RAB11FIP3: variants seen among roughly 807,000 people sequenced by gnomAD.
RAB11FIP3 encodes rab11 family-interacting protein 3.
In RAB11FIP3, 17 loss-of-function variants were observed where a neutral mutation model predicts 77.8. The observed-to-expected ratio is 0.22, with a 90% CI of 0.15 to 0.33. The LOEUF is 0.33. Ranked by LOEUF, RAB11FIP3 falls within the 10% of genes least tolerant of loss-of-function variation. The pLI, the probability that RAB11FIP3 is intolerant of heterozygous loss-of-function variation, is 1.00. For missense variants in RAB11FIP3, 1,005 were observed against 1,011.2 expected, an observed-to-expected ratio of 0.99 and a Z score of 0.08; for synonymous variants, 437 against 448.2, an observed-to-expected ratio of 0.98 and a Z score of 0.31.
rs762229531 is a variant in RAB11FIP3 at position 426,712 on chromosome 16, G to A, written c.706G>A (p.Ala236Thr). The change falls in exon 1 of 14, where the codon GCA becomes ACA. Residue 236 changes from alanine (A) to threonine (T), a missense_variant. Physicochemically the swap from Ala to Thr is moderately conservative, Grantham distance 58. Transcript: ENST00000262305. This position sits in a 1 kb window ranked among gnomAD's most constrained non-coding sequence, Gnocchi z 5.0. ...CATCCAGTTTGCTACGGTCTACGGG[G>A]CAGAGCAGGTACGGAGCGGCCCGGG... is the stretch of plus-strand genomic sequence containing the variant. ...DFIQFATVYGAEQVKDLTKYL... is the reference protein window; with the variant it reads ...DFIQFATVYGTEQVKDLTKYL... 16 of 1,508,688 alleles carry A rather than the reference G, an allele frequency of 1.1e-5. 1 individual carries two copies. Among genetic ancestry groups the A allele is most frequent in the South Asian group, 1.3e-5 (1 of 75,890 alleles). The allele number at this position is 1,508,688 out of a possible 1,614,324, so 93.5% of individuals were successfully genotyped here. A position where few individuals can be genotyped will look rare whatever the true frequency, so the allele number is the denominator to read the frequency against.
chr16:426,088 G>T lies in RAB11FIP3; in HGVS notation c.82G>T (p.Gly28Trp). 7.0e-6 allele frequency: 7 copies of T among 1,004,056 alleles called. No individual in the cohort carries two copies. The highest frequency in any genetic ancestry group is 8.3e-6 in the Non-Finnish European group (7 of 843,846). 62.2% of individuals were successfully genotyped at this position (1,004,056 alleles called of 1,614,324 possible). A position where few individuals can be genotyped will look rare whatever the true frequency, so the allele number is the denominator to read the frequency against. The change falls in exon 1 of 14, where the codon GGG becomes TGG. Residue 28 changes from glycine to tryptophan, a missense_variant. Coordinates refer to ENST00000262305, the MANE Select transcript of RAB11FIP3 (RefSeq NM_014700.4). The surrounding 1 kb of genome is among the most constrained non-coding windows in gnomAD (Gnocchi z 5.0). Reference sequence around the variant, plus strand: ...GGAGCCGGGCGGGCCGGACGGGCCGGGGGCGGCACAACTGGCTCCGGGCCC... The same window carrying T: ...GGAGCCGGGCGGGCCGGACGGGCCGTGGGCGGCACAACTGGCTCCGGGCCC... ...DPEPGGPDGP[G>W]AAQLAPGPAE...
chr16:492,539 C>CCGGGAGACCCG (rs2030653420), intron 5 of RAB11FIP3, among the ~76,000 whole-genome samples: 2 of 151,864 alleles, frequency 1.3e-5, no homozygotes, highest in African/African-American at 2.4e-5. Context: ...CGAGGCCGTC[C>CCGGGAGACCCG]AGAATCTTGG....
chr16:435,663 T>C (rs949097953), intron 1 of RAB11FIP3, among the ~76,000 whole-genome samples: 21 of 152,350 alleles, frequency 1.4e-4, no homozygotes, highest in African/African-American at 4.6e-4. Flanking sequence ...ATATTTCCTG[T>C]TGTGTTACTG....
In RAB11FIP3 at chr16:457,139, G is replaced by A. The variant is rs182282827; in HGVS notation, c.715-4265G>A. Among the ~76,000 whole-genome samples the A allele has an allele frequency of 3.6e-3, 547 of 152,270 alleles. 5 individuals are homozygous for A. Among genetic ancestry groups the A allele is most frequent in the African/African-American group, 0.013 (522 of 41,560 alleles). ...ACAAGATGCAGAAAGGCGGTTTCTCGTTCTGAAAGGTGCTTTGCTGTGAAG... is the reference window on the plus strand; with the variant it reads ...ACAAGATGCAGAAAGGCGGTTTCTCATTCTGAAAGGTGCTTTGCTGTGAAG... On this transcript the variant is annotated intron_variant, in intron 1 of 13. Coordinates refer to ENST00000262305, the MANE Select transcript of RAB11FIP3 (RefSeq NM_014700.4).
intron 9 of RAB11FIP3, 98 bp from the exon 10 acceptor site, chr16:518,845 A>G: frequency 7.9e-7 from 1 of 1,262,352 alleles, no homozygotes; most frequent in Non-Finnish European, 1.1e-6. Flanking sequence ...TGTTGGTCAC[A>G]GGGCGGCCCC....
intron 1 of RAB11FIP3, among the ~76,000 whole-genome samples, chr16:431,604 A>G (rs1282047629): frequency 6.6e-6 from 1 of 152,014 alleles, no homozygotes; most frequent in Non-Finnish European, 1.5e-5. Flanking sequence ...CGAACACCAG[A>G]CCTCAAGTGA....
intron 2 of RAB11FIP3, among the ~76,000 whole-genome samples, chr16:469,951 A>G (rs543495054): frequency 6.6e-6 from 1 of 152,222 alleles, no homozygotes; most frequent in South Asian, 2.1e-4. Context: ...CTAAGACTAC[A>G]GGTGTGTCCC....
chr16:519,690 G>A, intron 10 of RAB11FIP3, 64 bp from the exon 11 acceptor site: 13 of 1,570,112 alleles, frequency 8.3e-6, no homozygotes, highest in Middle Eastern at 2.0e-4. Context: ...ACAGACGGCC[G>A]GGGCAAGCTG....
Position 522,245 on chromosome 16 carries a change from A to T in RAB11FIP3, c.*1406A>T, listed in dbSNP as rs984587522. On this transcript the variant is annotated 3_prime_UTR_variant, in exon 14 of 14. Transcript: ENST00000262305. ...AAGAGAAAACTGTGTATACACATGA[A>T]ATATATATATATATATATATATATA... The T allele has an allele frequency of 7.4e-6, 1 of 134,688 alleles. No homozygotes were observed. Among genetic ancestry groups the T allele is most frequent in the Non-Finnish European group, 1.6e-5 (1 of 62,622 alleles). The allele number at this position is 134,688 out of a possible 1,614,324, so 8.3% of individuals were successfully genotyped here. A position where few individuals can be genotyped will look rare whatever the true frequency, so the allele number is the denominator to read the frequency against.
intron 1 of RAB11FIP3, among the ~76,000 whole-genome samples, chr16:438,768 C>T (rs1172431115): frequency 6.6e-6 from 1 of 151,594 alleles, no homozygotes; most frequent in Non-Finnish European, 1.5e-5. Context: ...CAGCTCACTG[C>T]AACCTCCGCC....
intron 9 of RAB11FIP3, 124 bp from the exon 10 acceptor site, chr16:518,819 G>A: frequency 1.1e-6 from 1 of 873,100 alleles, no homozygotes; most frequent in Non-Finnish European, 1.9e-6. Flanking sequence ...ATTGGCCCTG[G>A]TCGTTTGGGG....
chr16:475,053 C>T, intron 3 of RAB11FIP3: 4 of 1,551,664 alleles, frequency 2.6e-6, no homozygotes, highest in South Asian at 1.2e-5. Flanking sequence ...AAGGTGTGTA[C>T]AGAGCCAGGC....
Position 520,794 on chromosome 16 carries a change from C to G in RAB11FIP3, c.2226C>G (p.Ile742Met). The change falls in exon 14 of 14, where the codon ATC (isoleucine) becomes ATG (methionine). Residue 742 changes from isoleucine to methionine, a missense_variant. Ile to Met is a conservative substitution (Grantham distance 10). Around this residue, in one of 4 missense-constraint regions of RAB11FIP3, gnomAD observed 90 missense variants for 129.7 expected, o/e 0.69. Coordinates refer to ENST00000262305, the MANE Select transcript of RAB11FIP3 (RefSeq NM_014700.4). The stretch of plus-strand genomic sequence containing the variant: ...TGCAGGACTACATCGACAGGATCAT[C>G]GTGGCCATCATGGAGACCAACCCGT... ...FRLQDYIDRIIVAIMETNPSI... is the reference protein window; with the variant it reads ...FRLQDYIDRIMVAIMETNPSI... The G allele has an allele frequency of 6.2e-7, 1 of 1,613,806 alleles. No individual in the cohort carries two copies. Among genetic ancestry groups the G allele is most frequent in the Non-Finnish European group, 8.5e-7 (1 of 1,180,030 alleles).
chr16:516,360 C>T (rs926922259), intron 9 of RAB11FIP3, among the ~76,000 whole-genome samples: 4 of 152,134 alleles, frequency 2.6e-5, no homozygotes, highest in African/African-American at 9.7e-5. Context: ...CTGGGACAGG[C>T]TAAGCCTGCA....
At chr16:487,774 C>G (rs2056187392) in intron 4 of RAB11FIP3, among the ~76,000 whole-genome samples, 1 of 152,178 alleles carries the variant, frequency 6.6e-6, no homozygotes, top group African/African-American at 2.4e-5. Context: ...TTTTCCAGAA[C>G]TTGGCTGTGG....
chr16:466,767 G>A (rs2055707829), intron 2 of RAB11FIP3, among the ~76,000 whole-genome samples: 1 of 152,186 alleles, frequency 6.6e-6, no homozygotes, highest in African/African-American at 2.4e-5. Context: ...TTCTCTCTTT[G>A]CTGTCACCTG....
chr16:520,348 G>C (rs545739202), intron 12 of RAB11FIP3, 71 bp downstream of exon 12: 6 of 1,571,188 alleles, frequency 3.8e-6, no homozygotes, highest in East Asian at 4.5e-5. Context: ...GGAAGGGGGG[G>C]CCGTGGAGGG....
chr16:461,535 C>T lies in RAB11FIP3; in HGVS notation c.808+38C>T, dbSNP rs199867047. 4.5e-6 allele frequency: 7 copies of T among 1,550,700 alleles called. No individual in the cohort carries two copies. The highest frequency in any genetic ancestry group is 2.2e-5 in the South Asian group (2 of 89,468). Reference sequence around the variant, plus strand: ...CGCCATGAGCTCCCACCTCCTCTCCCGTTCCTCAGCCACCCTCTCAGCCAC... The same window carrying T: ...CGCCATGAGCTCCCACCTCCTCTCCTGTTCCTCAGCCACCCTCTCAGCCAC... On this transcript the variant is annotated intron_variant, in intron 2 of 13. Transcript: ENST00000262305. This position sits in a 1 kb window ranked among gnomAD's most constrained non-coding sequence, Gnocchi z 4.5.
chr16:433,028 C>CTTTTTTTTT (rs920883186), intron 1 of RAB11FIP3, among the ~76,000 whole-genome samples: 2 of 40,866 alleles, frequency 4.9e-5, no homozygotes, highest in Non-Finnish European at 8.4e-5. Flanking sequence ...CCATATTTAT[C>CTTTTTTTTT]TTTTTTTTTT....
Sources: gnomAD v4.1 joint callset for allele counts (sites outside exome capture counted in the v4.1 genomes callset) on GRCh38, gnomAD v4.1.1 for gene constraint, gnomAD v4.1.1 regional missense constraint, Gnocchi (gnomAD v3.1) non-coding constraint, MANE v1.5 for transcripts, NCBI Gene and HGNC (gene_info 2026-07-23, HGNC 2026-07-21) for gene names.